The following EIF4G3 variants were observed in gnomAD, a reference collection of about 807,000 sequenced individuals.
The protein encoded by EIF4G3 is eukaryotic translation initiation factor 4 gamma 3, also known as eIF-4-gamma 3.
Under a neutral mutation model 186.4 loss-of-function variants are expected in EIF4G3, and 34 were observed. The ratio of observed to expected loss-of-function variants is 0.18; its 90% CI spans 0.14 to 0.24. EIF4G3 has a LOEUF of 0.24. Ranked by LOEUF, EIF4G3 falls within the 10% of genes least tolerant of loss-of-function variation. The probability of loss-of-function intolerance (pLI) is 1.00; values close to 1 mark genes in which losing one functional copy is unlikely to be tolerated. For synonymous variants in EIF4G3, 673 were observed against 679.5 expected (o/e 0.99, Z 0.15); for missense variants, 1,536 against 1,948.5 (o/e 0.79, Z 3.99).
At chr1:20,972,935 G>T in intron 11 of EIF4G3, 67 bp downstream of exon 11, 2 of 1,294,140 alleles carry the variant, frequency 1.5e-6, no homozygotes, top group Non-Finnish European at 1.1e-6. Context: ...TAATGACTAC[G>T]TAAACTTATC....
intron 15 of EIF4G3, among the ~76,000 whole-genome samples, chr1:20,900,329 G>A (rs1343403295): frequency 6.6e-6 from 1 of 151,998 alleles, no homozygotes. Context: ...AACACTGGAG[G>A]GTATTTTTTA....
At position 20,830,722 on chromosome 1, in the gene EIF4G3, G is replaced by T. The variant is rs187586928; in HGVS notation, c.4062-1450C>A. Among the ~76,000 whole-genome samples, 4 of 152,212 alleles carry T rather than the reference G, an allele frequency of 2.6e-5. No individual in the cohort carries two copies. In the East Asian group the frequency reaches 5.8e-4, roughly 22 times the overall value. The stretch of plus-strand genomic sequence containing the variant: ...AAAATATACCCATATTCTTGCTTTG[G>T]TTTTTTATGCCTTGATCAGTCAGTT... On this transcript the variant is annotated intron_variant, in intron 30 of 36. Coordinates refer to ENST00000602326, the MANE Select transcript of EIF4G3 (RefSeq NM_001391906.1).
intron 3 of EIF4G3, among the ~76,000 whole-genome samples, chr1:21,084,040 C>T (rs1183391633): frequency 2.0e-5 from 3 of 152,112 alleles, no homozygotes; most frequent in African/African-American, 7.2e-5. Flanking sequence ...CACATGTCCA[C>T]ATCACACAGT....
intron 23 of EIF4G3, among the ~76,000 whole-genome samples, chr1:20,860,777 G>A (rs1211498723): frequency 6.6e-6 from 1 of 151,972 alleles, no homozygotes; most frequent in East Asian, 1.9e-4. Flanking sequence ...GTGAAAGACT[G>A]GCCCAAATTT....
At chr1:21,053,818 G>C (rs762457535) in intron 3 of EIF4G3, among the ~76,000 whole-genome samples, 1 of 145,808 alleles carries the variant, frequency 6.9e-6, no homozygotes, top group African/African-American at 2.6e-5. Context: ...CCCTCTGCCC[G>C]GCCAGCCGCC....
chr1:20,840,282 C>T lies in EIF4G3; in HGVS notation c.4061+574G>A, dbSNP rs956993572. Among the ~76,000 whole-genome samples, 27 of 152,132 alleles carry T rather than the reference C, an allele frequency of 1.8e-4. 1 individual carries two copies. Among genetic ancestry groups the T allele is most frequent in the Non-Finnish European group, 1.5e-5 (1 of 68,030 alleles). ...AACCTGATCAAATGAGGATTCACCA[C>T]CAGTGACAGGCAGATAGGCAGACCT... On this transcript the variant is annotated intron_variant, in intron 30 of 36. Transcript: ENST00000602326.
chr1:21,053,956 C>G (rs924715270), intron 3 of EIF4G3, among the ~76,000 whole-genome samples: 5 of 152,112 alleles, frequency 3.3e-5, no homozygotes, highest in Non-Finnish European at 7.4e-5. Context: ...GCCACCACCC[C>G]GTCTGGGAGG....
chr1:20,852,751 C>T lies in EIF4G3; in HGVS notation c.3551+809G>A, dbSNP rs779977410. Among the ~76,000 whole-genome samples, 70 of 152,192 alleles carry T rather than the reference C, an allele frequency of 4.6e-4. 1 individual carries two copies. The highest frequency in any genetic ancestry group is 1.4e-3 in the African/African-American group (59 of 41,514). ...AGGGGACATTTATGACAGGGCAAAG[C>T]GCCACAAGTGATACTCAATGACAAC... On this transcript the variant is annotated intron_variant, in intron 27 of 36. Transcript: ENST00000602326.
At chr1:20,935,403 C>G (rs1460121351) in intron 14 of EIF4G3, among the ~76,000 whole-genome samples, 2 of 152,068 alleles carry the variant, frequency 1.3e-5, no homozygotes, top group East Asian at 3.9e-4. Flanking sequence ...TATTTTAATA[C>G]AGTAATAGAA....
At chr1:20,962,398 A>C (rs1025408592) in intron 12 of EIF4G3, among the ~76,000 whole-genome samples, 1 of 152,242 alleles carries the variant, frequency 6.6e-6, no homozygotes, top group Admixed American at 6.5e-5. Flanking sequence ...TACATTTCCA[A>C]TACTATGCTG....
chr1:20,986,167 C>T (rs1221197988), intron 7 of EIF4G3, among the ~76,000 whole-genome samples: 1 of 152,140 alleles, frequency 6.6e-6, no homozygotes, highest in Non-Finnish European at 1.5e-5. Flanking sequence ...ACAAAGGTAT[C>T]GAGGTGGGGT....
intron 15 of EIF4G3, among the ~76,000 whole-genome samples, chr1:20,900,185 T>A (rs1405471183): frequency 2.0e-5 from 3 of 152,070 alleles, no homozygotes; most frequent in African/African-American, 7.2e-5. Flanking sequence ...ACTAATAATA[T>A]CCAAATATAC....
At chr1:21,026,692 G>A (rs2092143559) in intron 4 of EIF4G3, among the ~76,000 whole-genome samples, 1 of 152,136 alleles carries the variant, frequency 6.6e-6, no homozygotes, top group Admixed American at 6.5e-5. Context: ...TGGCCTGTTT[G>A]TAATCCCAGC....
At chr1:20,974,915 C>G (rs757566266) in intron 10 of EIF4G3, among the ~76,000 whole-genome samples, 1 of 152,156 alleles carries the variant, frequency 6.6e-6, no homozygotes, top group Admixed American at 6.5e-5. Flanking sequence ...GTAGTTCACA[C>G]AGGTAAAATC....
intron 18 of EIF4G3, among the ~76,000 whole-genome samples, chr1:20,886,911 A>G (rs1277399305): frequency 6.6e-6 from 1 of 152,164 alleles, no homozygotes; most frequent in African/African-American, 2.4e-5. Flanking sequence ...CTGAAAAAAA[A>G]GGCTTCCTTT....
intron 10 of EIF4G3, 146 bp downstream of exon 10, chr1:20,980,188 A>G (rs1420787748): frequency 5.0e-6 from 3 of 599,678 alleles, no homozygotes; most frequent in African/African-American, 2.0e-5. Context: ...AAAAAAAAAA[A>G]GTAGCTTTCA....
chr1:20,864,415 TA>T, intron 22 of EIF4G3, 60 bp downstream of exon 22: 2 of 1,205,674 alleles, frequency 1.7e-6, no homozygotes, highest in East Asian at 2.3e-5. Context: ...GTTGACAGTC[TA>T]AGTTCTTTTG....
chr1:20,950,480 C>A lies in EIF4G3; in HGVS notation c.715-369G>T, dbSNP rs778243791. Among the ~76,000 whole-genome samples the A allele has an allele frequency of 3.9e-5, 6 of 152,118 alleles. No homozygotes were observed. In the East Asian group the frequency reaches 5.8e-4, roughly 15 times the overall value. On this transcript the variant is annotated intron_variant, in intron 12 of 36. Coordinates refer to ENST00000602326, the MANE Select transcript of EIF4G3 (RefSeq NM_001391906.1). ...AAGGAATTTAACACCCTCCCAAAGA[C>A]CAAGAAGGATTTGGTCAACTTCATG...
chr1:20,957,171 A>C (rs920773828), intron 12 of EIF4G3, among the ~76,000 whole-genome samples: 1 of 152,188 alleles, frequency 6.6e-6, no homozygotes, highest in Non-Finnish European at 1.5e-5. Context: ...GACACTCAAA[A>C]TAAAAGCTTG....
Sources: allele counts gnomAD v4.1 joint callset (sites outside exome capture counted in the v4.1 genomes callset), GRCh38; gene constraint gnomAD v4.1.1; transcripts MANE v1.5; gene names NCBI Gene and HGNC (gene_info 2026-07-23, HGNC 2026-07-21).